Variants in DPP10 observed in about 807,000 individuals in gnomAD.
The protein encoded by DPP10 is inactive dipeptidyl peptidase 10.
Under a neutral mutation model 120.9 loss-of-function variants are expected in DPP10, and 33 were observed. The observed-to-expected ratio is 0.27, with a 90% CI of 0.21 to 0.37. DPP10 has a LOEUF of 0.37. DPP10 is among the 10% of genes least tolerant of loss of function. DPP10 has a pLI of 1.00. For missense variants in DPP10, 816 were observed against 942.8 expected, an observed-to-expected ratio of 0.87 and a Z score of 1.76; for synonymous variants, 337 against 326.1, an observed-to-expected ratio of 1.03 and a Z score of -0.36.
intron 1 of DPP10, among the ~76,000 whole-genome samples, chr2:115,094,859 A>T (rs1709581262): frequency 6.6e-6 from 1 of 152,228 alleles, no homozygotes. Context: ...AAAATTAAGG[A>T]TATTATGTAG....
chr2:115,328,559 A>G (rs1157288566), intron 2 of DPP10, among the ~76,000 whole-genome samples: 1 of 152,064 alleles, frequency 6.6e-6, no homozygotes, highest in Non-Finnish European at 1.5e-5. Flanking sequence ...TATACCAGAA[A>G]TTTGAGAATC....
chr2:115,353,986 T>C (rs978343022), intron 3 of DPP10, among the ~76,000 whole-genome samples: 1 of 152,138 alleles, frequency 6.6e-6, no homozygotes, highest in Non-Finnish European at 1.5e-5. Flanking sequence ...AAGATTTTCT[T>C]TGTAATTGTA....
At chr2:115,768,841 G>C (rs995197646) in intron 13 of DPP10, among the ~76,000 whole-genome samples, 8 of 151,800 alleles carry the variant, frequency 5.3e-5, no homozygotes, top group Non-Finnish European at 2.9e-5. Flanking sequence ...AATAAATTAT[G>C]GCACATCCCC....
intron 1 of DPP10, among the ~76,000 whole-genome samples, chr2:114,969,762 G>A (rs897472023): frequency 3.3e-5 from 5 of 152,220 alleles, no homozygotes; most frequent in Middle Eastern, 3.4e-3. Flanking sequence ...AACACTAGCC[G>A]ACTTTTCCTG....
At chr2:114,806,950 A>G (rs905746018) in intron 1 of DPP10, among the ~76,000 whole-genome samples, 2 of 152,238 alleles carry the variant, frequency 1.3e-5, no homozygotes, top group Non-Finnish European at 2.9e-5. Context: ...ACAAGCCGAC[A>G]GCATCCTTCC....
chr2:115,640,829 C>T (rs1253086766), intron 5 of DPP10, among the ~76,000 whole-genome samples: 1 of 152,168 alleles, frequency 6.6e-6, no homozygotes, highest in Non-Finnish European at 1.5e-5. Context: ...AAAGATGTTT[C>T]TGCAGGAGCT....
intron 4 of DPP10, among the ~76,000 whole-genome samples, chr2:115,510,820 ATG>A (rs894985323): frequency 3.9e-5 from 6 of 152,148 alleles, no homozygotes; most frequent in African/African-American, 1.4e-4. Flanking sequence ...TCTTAAAAGA[ATG>A]TGTTATATTT....
intron 1 of DPP10, among the ~76,000 whole-genome samples, chr2:114,971,495 TA>T (rs1408682571): frequency 6.6e-6 from 1 of 152,174 alleles, no homozygotes; most frequent in Non-Finnish European, 1.5e-5. Flanking sequence ...GCTTTATATG[TA>T]AAAACACCTT....
At chr2:115,633,448 G>A (rs1336633746) in intron 5 of DPP10, among the ~76,000 whole-genome samples, 6 of 152,082 alleles carry the variant, frequency 3.9e-5, no homozygotes, top group Non-Finnish European at 7.4e-5. Flanking sequence ...GGGGTAAGGG[G>A]GAAGGATAGC....
At chr2:115,302,209 C>A (rs954564554) in intron 1 of DPP10, among the ~76,000 whole-genome samples, 20 of 151,552 alleles carry the variant, frequency 1.3e-4, no homozygotes, top group African/African-American at 4.8e-4. Context: ...AGAGGGAAAT[C>A]TGCCCCCCGT....
At chr2:115,218,701 A>G (rs1375260047) in intron 1 of DPP10, among the ~76,000 whole-genome samples, 1 of 152,104 alleles carries the variant, frequency 6.6e-6, no homozygotes, top group Non-Finnish European at 1.5e-5. Flanking sequence ...AGTAGTGTAT[A>G]CTGGAAAGAC....
intron 1 of DPP10, among the ~76,000 whole-genome samples, chr2:115,036,265 T>C (rs1430911946): frequency 6.6e-6 from 1 of 152,172 alleles, no homozygotes; most frequent in Non-Finnish European, 1.5e-5. Context: ...AACTGCCCCA[T>C]GATCCAATTA....
At chr2:115,260,483 C>G (rs1048880487) in intron 1 of DPP10, among the ~76,000 whole-genome samples, 4 of 152,162 alleles carry the variant, frequency 2.6e-5, no homozygotes, top group African/African-American at 9.7e-5. Flanking sequence ...AATCACTCTG[C>G]TGTGAAATGA....
chr2:115,813,033 C>G (rs1575858698), intron 19 of DPP10, among the ~76,000 whole-genome samples: 1 of 126,908 alleles, frequency 7.9e-6, no homozygotes, highest in Non-Finnish European at 1.5e-5. Flanking sequence ...GGACTGCGGA[C>G]TGCAGTGGCG....
At chr2:115,244,301 G>T (rs2058433809) in intron 1 of DPP10, among the ~76,000 whole-genome samples, 1 of 147,310 alleles carries the variant, frequency 6.8e-6, no homozygotes, top group East Asian at 2.0e-4. Context: ...TGAATGATAT[G>T]AATGTGTACT....
At chr2:114,583,566 T>G (rs1203398196) in intron 1 of DPP10, among the ~76,000 whole-genome samples, 2 of 152,240 alleles carry the variant, frequency 1.3e-5, no homozygotes, top group Non-Finnish European at 1.5e-5. Context: ...TGAGTCTGCC[T>G]CTTTCTAAAA....
chr2:115,218,870 A>C (rs1041321642), intron 1 of DPP10, among the ~76,000 whole-genome samples: 3 of 152,116 alleles, frequency 2.0e-5, no homozygotes, highest in African/African-American at 7.2e-5. Context: ...AAGTCAATGT[A>C]GTTTTTATAA....
chr2:114,951,036 T>C (rs1257850258), intron 1 of DPP10, among the ~76,000 whole-genome samples: 1 of 152,208 alleles, frequency 6.6e-6, no homozygotes, highest in African/African-American at 2.4e-5. Context: ...AATGAGGGGA[T>C]GCATTGTTCA....
At chr2:115,112,661 A>G (rs1343997673) in intron 1 of DPP10, among the ~76,000 whole-genome samples, 1 of 152,206 alleles carries the variant, frequency 6.6e-6, no homozygotes. Flanking sequence ...TCAAGAAAAA[A>G]GTTGAATTCA....
Sources: allele counts gnomAD v4.1 joint callset (sites outside exome capture counted in the v4.1 genomes callset), GRCh38; gene constraint gnomAD v4.1.1; transcripts MANE v1.5; gene names NCBI Gene and HGNC (gene_info 2026-07-23, HGNC 2026-07-21).